Variants in ABLIM1 observed in about 807,000 individuals in gnomAD.
ABLIM1 encodes actin binding LIM protein 1.
Under a neutral mutation model 107.0 loss-of-function variants are expected in ABLIM1, and 40 were observed. That is an observed-to-expected ratio of 0.37 (90% CI 0.29 to 0.49). The LOEUF is 0.49. Among genes scored for constraint, ABLIM1 ranks in the 20% least tolerant of loss-of-function variants. The pLI, the probability that ABLIM1 is intolerant of heterozygous loss-of-function variation, is 0.97. For missense variants in ABLIM1, 857 were observed against 1,008.5 expected (o/e 0.85, Z 2.04); for synonymous variants, 357 against 357.3 (o/e 1.00, Z 0.01).
chr10:114,795,793 G>C, the ABLIM1 span, among the ~76,000 whole-genome samples: 3 of 152,056 alleles, frequency 2.0e-5, no homozygotes, highest in East Asian at 3.9e-4. Context: ...AATTCTTCCA[G>C]AAATTGTGGC....
chr10:114,641,732 G>A (rs907764396), intron 1 of ABLIM1, among the ~76,000 whole-genome samples: 6 of 152,150 alleles, frequency 3.9e-5, no homozygotes, highest in Non-Finnish European at 5.9e-5. Flanking sequence ...AAGTGCAAAC[G>A]TCCTGAGACG....
At chr10:114,587,345 C>T (rs978464087) in intron 2 of ABLIM1, among the ~76,000 whole-genome samples, 2 of 152,164 alleles carry the variant, frequency 1.3e-5, no homozygotes, top group South Asian at 4.1e-4. Flanking sequence ...ACTCACACTG[C>T]TAAGTGGTAA....
chr10:114,764,604 C>A (rs184026014), intron 1 of ABLIM1, among the ~76,000 whole-genome samples: 1 of 151,908 alleles, frequency 6.6e-6, no homozygotes, highest in Non-Finnish European at 1.5e-5. Context: ...AGCCTCCCAA[C>A]GTGCTGGGAT....
chr10:114,501,204 C>T (rs1283897512), intron 6 of ABLIM1, among the ~76,000 whole-genome samples: 1 of 152,166 alleles, frequency 6.6e-6, no homozygotes, highest in African/African-American at 2.4e-5. Context: ...AGGTAATATG[C>T]CCATTTCACA....
intron 1 of ABLIM1, among the ~76,000 whole-genome samples, chr10:114,621,587 C>T (rs1419448486): frequency 6.6e-6 from 1 of 152,152 alleles, no homozygotes; most frequent in Non-Finnish European, 1.5e-5. Context: ...TAAATGCCCC[C>T]TTTTCCATAA....
intron 1 of ABLIM1, among the ~76,000 whole-genome samples, chr10:114,710,573 T>C (rs1018548182): frequency 6.6e-6 from 1 of 152,178 alleles, no homozygotes; most frequent in Non-Finnish European, 1.5e-5. Context: ...CAATTCAAGA[T>C]GAGATTTGGG....
intron 1 of ABLIM1, among the ~76,000 whole-genome samples, chr10:114,625,618 G>C (rs1477182843): frequency 6.6e-6 from 1 of 152,148 alleles, no homozygotes; most frequent in African/African-American, 2.4e-5. Context: ...CCAAACTTGA[G>C]TTAGATCTTT....
intron 1 of ABLIM1, among the ~76,000 whole-genome samples, chr10:114,644,758 T>C (rs911138154): frequency 6.6e-6 from 1 of 152,202 alleles, no homozygotes; most frequent in South Asian, 2.1e-4. Context: ...AAAGTCCCAG[T>C]CAGTGATGGA....
intron 4 of ABLIM1, among the ~76,000 whole-genome samples, chr10:114,562,713 G>A (rs1295689816): frequency 6.6e-6 from 1 of 152,146 alleles, no homozygotes; most frequent in African/African-American, 2.4e-5. Context: ...CATTCAAACA[G>A]CAATCAGACC....
At position 114,725,646 on chromosome 10, in the gene ABLIM1, C is replaced by A. The variant is rs1222567679; in HGVS notation, c.-213+42415G>T. 2.6e-5 allele frequency among the ~76,000 whole-genome samples: 4 copies of A among 151,708 alleles called. No homozygotes were observed. In the East Asian group the frequency reaches 7.7e-4, roughly 29 times the overall value. ...TCTGCAAGAACCATTCAGATGGGAGCTATGTAGGTATCAGGTTGGTGCAAA... is the reference window on the plus strand; with the variant it reads ...TCTGCAAGAACCATTCAGATGGGAGATATGTAGGTATCAGGTTGGTGCAAA... On this transcript the variant is annotated intron_variant, in intron 1 of 15. Transcript: ENST00000651092.
chr10:114,515,335 T>G (rs1269760478), intron 6 of ABLIM1, among the ~76,000 whole-genome samples: 2 of 152,166 alleles, frequency 1.3e-5, no homozygotes, highest in African/African-American at 4.8e-5. Context: ...GTGAATGGTC[T>G]AGAGCTGGAG....
At chr10:114,627,829 G>T (rs968595891) in intron 1 of ABLIM1, among the ~76,000 whole-genome samples, 1 of 152,116 alleles carries the variant, frequency 6.6e-6, no homozygotes, top group Non-Finnish European at 1.5e-5. Context: ...CATACAAATT[G>T]TTCACATCTT....
At chr10:114,732,543 G>T (rs2082098078) in intron 1 of ABLIM1, among the ~76,000 whole-genome samples, 1 of 151,940 alleles carries the variant, frequency 6.6e-6, no homozygotes, top group African/African-American at 2.4e-5. Flanking sequence ...TCTCAATAAT[G>T]TCATTTAAAG....
chr10:114,595,769 G>C (rs1001432062), intron 2 of ABLIM1, among the ~76,000 whole-genome samples: 1 of 152,130 alleles, frequency 6.6e-6, no homozygotes, highest in Non-Finnish European at 1.5e-5. Flanking sequence ...TGGGAATTAG[G>C]TTCTCCTTCC....
intron 6 of ABLIM1, among the ~76,000 whole-genome samples, chr10:114,498,277 C>A (rs941896238): frequency 6.6e-6 from 1 of 152,170 alleles, no homozygotes; most frequent in African/African-American, 2.4e-5. Context: ...AAATCCCATA[C>A]CCTCTACAAG....
At chr10:114,449,868 G>GA (rs1403597843) in intron 14 of ABLIM1, among the ~76,000 whole-genome samples, 2 of 152,182 alleles carry the variant, frequency 1.3e-5, no homozygotes, top group Non-Finnish European at 2.9e-5. Context: ...ACATCCTTTG[G>GA]AAAGCGCTGC....
At chr10:114,662,869 G>C (rs540596239), upstream of ABLIM1, among the ~76,000 whole-genome samples, 3 of 152,330 alleles carry the variant, frequency 2.0e-5, no homozygotes, top group South Asian at 4.2e-4. Flanking sequence ...CATAGGCAAC[G>C]TTCCCAAAGA....
Position 114,623,660 on chromosome 10 carries a change from G to A in ABLIM1, c.245-21699C>T, listed in dbSNP as rs552525186. 2.6e-5 allele frequency among the ~76,000 whole-genome samples: 4 copies of A among 152,280 alleles called. No homozygotes were observed. The East Asian group carries it at 7.7e-4, about 29-fold the overall frequency. On this transcript the variant is annotated intron_variant, in intron 1 of 22. Coordinates refer to ENST00000533213, the MANE Select transcript of ABLIM1 (RefSeq NM_002313.7). Reference sequence around the variant, plus strand: ...ACATTATCTGGGAAGTGTTAGAAATGCAAAATCTCAGGCCTTCTCCCAGAC... The same window carrying A: ...ACATTATCTGGGAAGTGTTAGAAATACAAAATCTCAGGCCTTCTCCCAGAC...
chr10:114,697,458 G>A (rs2081219890), intron 1 of ABLIM1, among the ~76,000 whole-genome samples: 1 of 152,254 alleles, frequency 6.6e-6, no homozygotes, highest in Admixed American at 6.5e-5. Context: ...GGGGACCAGA[G>A]CCAGCCTCCG....
Sources: allele counts gnomAD v4.1 joint callset (sites outside exome capture counted in the v4.1 genomes callset), GRCh38; gene constraint gnomAD v4.1.1; transcripts MANE v1.5; gene names NCBI Gene and HGNC (gene_info 2026-07-23, HGNC 2026-07-21).